Variants in CDH18 observed in about 807,000 individuals in gnomAD.
The protein encoded by CDH18 is cadherin-18.
In CDH18, 31 loss-of-function variants were observed where a neutral mutation model predicts 67.9. The ratio of observed to expected loss-of-function variants is 0.46; its 90% CI spans 0.34 to 0.62. CDH18 has a LOEUF of 0.62. Ranked by LOEUF, CDH18 falls within the 20% of genes least tolerant of loss-of-function variation. The pLI, the probability that CDH18 is intolerant of heterozygous loss-of-function variation, is 0.01. For missense variants in CDH18, 890 were observed against 975.5 expected (o/e 0.91, Z 1.17); for synonymous variants, 362 against 347.2 (o/e 1.04, Z -0.48).
At chr5:20,168,410 TTAA>T (rs1210044046) in intron 2 of CDH18, among the ~76,000 whole-genome samples, 5 of 151,984 alleles carry the variant, frequency 3.3e-5, no homozygotes, top group Admixed American at 3.3e-4. Context: ...TACTCATAGA[TTAA>T]TAGTAAAATA....
chr5:20,371,502 G>A (rs1742993699), intron 1 of CDH18, among the ~76,000 whole-genome samples: 1 of 152,094 alleles, frequency 6.6e-6, no homozygotes, highest in Non-Finnish European at 1.5e-5. Flanking sequence ...AGCAGTGGGT[G>A]GAGAATCTTG....
intron 1 of CDH18, among the ~76,000 whole-genome samples, chr5:20,441,463 A>G (rs1336313890): frequency 6.6e-6 from 1 of 151,916 alleles, no homozygotes; most frequent in South Asian, 2.1e-4. Flanking sequence ...AGAAGGCATT[A>G]GAACTACACA....
intron 2 of CDH18, among the ~76,000 whole-genome samples, chr5:20,179,417 G>A (rs993648996): frequency 6.6e-6 from 1 of 152,126 alleles, no homozygotes; most frequent in Non-Finnish European, 1.5e-5. Context: ...AGAAGTTTGG[G>A]ATTATTAAGT....
chr5:19,662,132 T>G (rs906371977), intron 5 of CDH18, among the ~76,000 whole-genome samples: 2 of 130,786 alleles, frequency 1.5e-5, no homozygotes, highest in Non-Finnish European at 3.4e-5. Flanking sequence ...TTTACATTTT[T>G]TAAAGATGAC....
In CDH18 at chr5:20,127,294, G is replaced by A. The variant is rs1487912443; in HGVS notation, c.-518+128150C>T. The stretch of plus-strand genomic sequence containing the variant: ...CACCACTGATTGTAAGTTTTCTGAG[G>A]CTTCCCCAGCCATGCTGCCTGTACA... On this transcript the variant is annotated intron_variant, in intron 2 of 14. Coordinates refer to the CDH18 transcript ENST00000507958. Among the ~76,000 whole-genome samples, 11 of 152,014 alleles carry A rather than the reference G, an allele frequency of 7.2e-5. No homozygotes were observed. The South Asian group carries it at 1.9e-3, about 26-fold the overall frequency.
At chr5:20,483,835 A>G (rs944580102) in intron 1 of CDH18, among the ~76,000 whole-genome samples, 4 of 152,080 alleles carry the variant, frequency 2.6e-5, no homozygotes, top group African/African-American at 7.2e-5. Flanking sequence ...CTAGTAAAAG[A>G]CAACCTTGGG....
chr5:19,915,162 T>TA (rs1436991227), intron 2 of CDH18, among the ~76,000 whole-genome samples: 2 of 152,164 alleles, frequency 1.3e-5, no homozygotes, highest in Admixed American at 6.6e-5. Context: ...TTTGATTTCT[T>TA]AGTCTCTTTA....
intron 3 of CDH18, among the ~76,000 whole-genome samples, chr5:19,765,229 A>C (rs984897810): frequency 2.0e-5 from 3 of 152,176 alleles, no homozygotes; most frequent in Non-Finnish European, 4.4e-5. Flanking sequence ...TGAATCAAAC[A>C]GGGGCCATTG....
At chr5:19,528,741 C>T (rs530123316) in intron 9 of CDH18, among the ~76,000 whole-genome samples, 180 of 151,894 alleles carry the variant, frequency 1.2e-3, no homozygotes, top group Non-Finnish European at 2.0e-3. Context: ...AAACACTAAG[C>T]GTGGCAACAC....
intron 5 of CDH18, among the ~76,000 whole-genome samples, chr5:19,639,431 T>A (rs779507188): frequency 6.6e-6 from 1 of 152,142 alleles, no homozygotes; most frequent in African/African-American, 2.4e-5. Flanking sequence ...ACCCAAGCAA[T>A]CTTTGCTATT....
chr5:20,565,640 T>C (rs1758459713), intron 1 of CDH18, among the ~76,000 whole-genome samples: 1 of 151,982 alleles, frequency 6.6e-6, no homozygotes, highest in African/African-American at 2.4e-5. Context: ...TGGAATATCC[T>C]GAGACCTCTA....
Position 20,466,394 on chromosome 5 carries a change from T to C in CDH18, c.-580+109068A>G, listed in dbSNP as rs142822729. ...GGGAAGTTCTTTATCGGAAAATCAA[T>C]AAAATCTTGCAGCCTTGCCGTGCTG... On this transcript the variant is annotated intron_variant, in intron 1 of 14. Transcript: ENST00000507958. Among the ~76,000 whole-genome samples, 29 of 152,188 alleles carry C rather than the reference T, an allele frequency of 1.9e-4. No individual in the cohort carries two copies. The East Asian group carries it at 5.0e-3, about 26-fold the overall frequency.
At chr5:20,102,244 G>A (rs377094455) in intron 2 of CDH18, among the ~76,000 whole-genome samples, 1 of 147,202 alleles carries the variant, frequency 6.8e-6, no homozygotes, top group Non-Finnish European at 1.5e-5. Flanking sequence ...GTGTGTGTGT[G>A]TGTGTGTGTA....
intron 1 of CDH18, among the ~76,000 whole-genome samples, chr5:20,396,001 C>T (rs1055726312): frequency 2.6e-5 from 4 of 152,154 alleles, no homozygotes; most frequent in South Asian, 4.1e-4. Flanking sequence ...CACCTGTATT[C>T]CTTGTAATAT....
intron 2 of CDH18, among the ~76,000 whole-genome samples, chr5:20,079,041 C>T (rs1403998030): frequency 1.3e-5 from 2 of 151,964 alleles, no homozygotes; most frequent in South Asian, 2.1e-4. Flanking sequence ...ATAGTATATC[C>T]ATCTCTTCAA....
At chr5:20,481,975 G>A (rs1752839094) in intron 1 of CDH18, among the ~76,000 whole-genome samples, 1 of 151,016 alleles carries the variant, frequency 6.6e-6, no homozygotes, top group South Asian at 2.1e-4. Context: ...AAGTGAAATT[G>A]AATTGAAAAA....
chr5:20,091,819 A>C lies in CDH18; in HGVS notation c.-517-99805T>G, dbSNP rs577162861. On this transcript the variant is annotated intron_variant, in intron 2 of 14. Transcript: ENST00000507958. ...AAAAAAAACCTTAAACTTTCAATAG[A>C]AATAACATTCAACTACCACAAAACT... Among the ~76,000 whole-genome samples, 325 of 152,284 alleles carry C rather than the reference A, an allele frequency of 2.1e-3. 1 individual carries two copies. The highest frequency in any genetic ancestry group is 7.4e-3 in the African/African-American group (306 of 41,558).
intron 2 of CDH18, among the ~76,000 whole-genome samples, chr5:19,889,027 T>C (rs1229347722): frequency 2.0e-5 from 3 of 152,110 alleles, no homozygotes; most frequent in East Asian, 1.9e-4. Context: ...ACATAATATA[T>C]GCACATCCTC....
chr5:19,761,905 T>G (rs1386347558), intron 3 of CDH18, among the ~76,000 whole-genome samples: 1 of 152,008 alleles, frequency 6.6e-6, no homozygotes, highest in Non-Finnish European at 1.5e-5. Flanking sequence ...TATAGACCAA[T>G]GGAACAGAAC....
Sources: allele counts gnomAD v4.1 joint callset (sites outside exome capture counted in the v4.1 genomes callset), GRCh38; gene constraint gnomAD v4.1.1; transcripts MANE v1.5; gene names NCBI Gene and HGNC (gene_info 2026-07-23, HGNC 2026-07-21).